The following ERI3 variants were observed in gnomAD, a reference collection of about 807,000 sequenced individuals.
ERI3 encodes the protein ERI1 exoribonuclease family member 3.
In ERI3, 18 loss-of-function variants were observed where a neutral mutation model predicts 44.4. That is an observed-to-expected ratio of 0.41 (90% confidence interval 0.28 to 0.60). ERI3 has a LOEUF of 0.60. ERI3 is among the 20% of genes least tolerant of loss of function. ERI3 has a pLI of 0.36. For synonymous variants in ERI3, 183 were observed against 164.8 expected, an observed-to-expected ratio of 1.11 and a Z score of -0.84; for missense variants, 294 against 435.5, an observed-to-expected ratio of 0.68 and a Z score of 2.89.
At chr1:44,299,654 G>A (rs1250105630) in intron 6 of ERI3, among the ~76,000 whole-genome samples, 1 of 152,182 alleles carries the variant, frequency 6.6e-6, no homozygotes, top group African/African-American at 2.4e-5. Flanking sequence ...CTATCTGACA[G>A]AAGTCAGAAA....
chr1:44,221,695 A>C lies in ERI3; in HGVS notation c.932-55T>G. 2 of 1,440,218 alleles carry C rather than the reference A, an allele frequency of 1.4e-6. No homozygotes were observed. Among genetic ancestry groups the C allele is most frequent in the Non-Finnish European group, 2.0e-6 (2 of 1,022,710 alleles). The allele number at this position is 1,440,218 out of a possible 1,614,324, so 89.2% of individuals were successfully genotyped here. On this transcript the variant is annotated intron_variant, in intron 8 of 8. Transcript: ENST00000372257. The surrounding 1 kb of genome is among the most constrained non-coding windows in gnomAD (Gnocchi z 5.9). ...CCCCAGATCCTTCCCCTCCATGCCCACAGGTGCTCTTACAAGGGTGGGGGT... is the reference window on the plus strand; with the variant it reads ...CCCCAGATCCTTCCCCTCCATGCCCCCAGGTGCTCTTACAAGGGTGGGGGT...
chr1:44,223,102 G>C lies in ERI3; in HGVS notation c.932-1462C>G, dbSNP rs566263101. Among the ~76,000 whole-genome samples the C allele has an allele frequency of 1.7e-3, 260 of 152,320 alleles. 1 individual carries two copies. The highest frequency in any genetic ancestry group is 3.2e-3 in the Non-Finnish European group (215 of 68,034). On this transcript the variant is annotated intron_variant, in intron 8 of 8. Coordinates refer to ENST00000372257, the MANE Select transcript of ERI3 (RefSeq NM_024066.3). ...GCATGGACGCACCTGCAGTGGATGT[G>C]GGCACAGAGAGGTGACACCTTCCCC... is the stretch of plus-strand genomic sequence containing the variant.
intron 2 of ERI3, among the ~76,000 whole-genome samples, chr1:44,340,527 G>C (rs752558444): frequency 6.6e-6 from 1 of 152,126 alleles, no homozygotes. Flanking sequence ...GAAGTCCAGC[G>C]CGTACTCAAA....
At chr1:44,351,657 C>T (rs1430940351) in intron 2 of ERI3, among the ~76,000 whole-genome samples, 2 of 152,068 alleles carry the variant, frequency 1.3e-5, no homozygotes, top group Non-Finnish European at 2.9e-5. Flanking sequence ...TTTTCTACTC[C>T]CTGGTCTAAT....
chr1:44,270,262 T>C (rs1160680227), intron 7 of ERI3, among the ~76,000 whole-genome samples: 3 of 152,182 alleles, frequency 2.0e-5, no homozygotes, highest in African/African-American at 7.2e-5. Flanking sequence ...ACCCCATCTT[T>C]CTCCCAAACT....
intron 8 of ERI3, among the ~76,000 whole-genome samples, chr1:44,238,947 G>A (rs988938828): frequency 6.6e-5 from 10 of 152,130 alleles, no homozygotes; most frequent in African/African-American, 1.7e-4. Context: ...ATTACAACGC[G>A]GGGATGAGGG....
chr1:44,303,186 C>T (rs532440080), intron 6 of ERI3, among the ~76,000 whole-genome samples: 34 of 152,348 alleles, frequency 2.2e-4, no homozygotes, highest in Non-Finnish European at 4.1e-4. Flanking sequence ...AGCCTGTGGG[C>T]TATCTCACCC....
chr1:44,254,398 C>T (rs771400918), intron 7 of ERI3, among the ~76,000 whole-genome samples: 6 of 152,154 alleles, frequency 3.9e-5, no homozygotes, highest in Non-Finnish European at 5.9e-5. Context: ...TCCCAGCCCC[C>T]GCCTACCCCT....
At chr1:44,313,401 G>A (rs1646015152) in intron 4 of ERI3, among the ~76,000 whole-genome samples, 173 bp from the exon 5 acceptor site, 1 of 152,134 alleles carries the variant, frequency 6.6e-6, no homozygotes, top group Non-Finnish European at 1.5e-5. Flanking sequence ...CCAGGACCCA[G>A]GACACAATGT....
chr1:44,310,963 G>GCGCGCGCACACA (rs1373873768), intron 5 of ERI3, among the ~76,000 whole-genome samples: 6 of 123,200 alleles, frequency 4.9e-5, no homozygotes, highest in Middle Eastern at 3.8e-3. Flanking sequence ...GCGCGCGCGC[G>GCGCGCGCACACA]CACACACACA....
At chr1:44,344,122 C>T (rs1412631792) in intron 2 of ERI3, among the ~76,000 whole-genome samples, 1 of 151,682 alleles carries the variant, frequency 6.6e-6, no homozygotes, top group Non-Finnish European at 1.5e-5. Context: ...CCCTGTAATC[C>T]AGTGACTCAG....
chr1:44,226,377 G>C (rs1331613841), intron 8 of ERI3, among the ~76,000 whole-genome samples: 2 of 152,160 alleles, frequency 1.3e-5, no homozygotes, highest in Non-Finnish European at 2.9e-5. Flanking sequence ...ACCAGATCTT[G>C]TTTCAGAATT....
intron 6 of ERI3, among the ~76,000 whole-genome samples, chr1:44,286,342 G>A (rs1645393651): frequency 1.3e-5 from 2 of 152,174 alleles, no homozygotes; most frequent in Admixed American, 6.5e-5. Flanking sequence ...ATAAGCACTC[G>A]ATGTCTGCTG....
At position 44,308,414 on chromosome 1, in the gene ERI3, CA is replaced by C; in HGVS notation, c.667-14del. ...ATTCATCGACCCTCTGAAAAGTACA[CA>C]AGAACAAATGAGATTTTCCTTTTTT... On this transcript the variant is annotated splice_polypyrimidine_tract_variant and intron_variant, in intron 5 of 8. Coordinates refer to ENST00000372257, the MANE Select transcript of ERI3 (RefSeq NM_024066.3). 1 of 1,610,886 alleles carries C rather than the reference CA, an allele frequency of 6.2e-7. No individual in the cohort carries two copies. The highest frequency in any genetic ancestry group is 8.5e-7 in the Non-Finnish European group (1 of 1,177,034).
At chr1:44,260,172 CAT>C (rs1362066047) in intron 7 of ERI3, among the ~76,000 whole-genome samples, 1 of 152,230 alleles carries the variant, frequency 6.6e-6, no homozygotes, top group Non-Finnish European at 1.5e-5. Context: ...TCAAAGAACT[CAT>C]AGTCCTTTGA....
chr1:44,284,804 G>A, intron 7 of ERI3, 31 bp downstream of exon 7: 2 of 1,584,288 alleles, frequency 1.3e-6, no homozygotes, highest in Non-Finnish European at 1.7e-6. Flanking sequence ...AGCACCAGGG[G>A]AAGCACCCAG....
intron 7 of ERI3, among the ~76,000 whole-genome samples, chr1:44,256,175 C>T (rs1644776120): frequency 6.6e-6 from 1 of 152,096 alleles, no homozygotes; most frequent in Admixed American, 6.6e-5. Flanking sequence ...TATAATTCTA[C>T]CAAGCCTGGA....
At chr1:44,259,461 C>T (rs933639951) in intron 7 of ERI3, among the ~76,000 whole-genome samples, 1 of 152,112 alleles carries the variant, frequency 6.6e-6, no homozygotes, top group Non-Finnish European at 1.5e-5. Context: ...TCAAAGGACA[C>T]GGTAAGGGCT....
chr1:44,318,269 C>T (rs947822888), intron 4 of ERI3, among the ~76,000 whole-genome samples: 2 of 152,198 alleles, frequency 1.3e-5, no homozygotes, highest in African/African-American at 4.8e-5. Context: ...TGCCTGTCTA[C>T]GTAAGGACAA....
Sources: gnomAD v4.1 joint callset for allele counts (sites outside exome capture counted in the v4.1 genomes callset) on GRCh38, gnomAD v4.1.1 for gene constraint, Gnocchi (gnomAD v3.1) non-coding constraint, MANE v1.5 for transcripts, NCBI Gene and HGNC (gene_info 2026-07-23, HGNC 2026-07-21) for gene names.